The following CFAP43 variants were observed in gnomAD, a reference collection of about 807,000 sequenced individuals.
CFAP43 encodes the protein cilia- and flagella-associated protein 43.
A neutral mutation model predicts 218.9 loss-of-function variants in CFAP43; 155 were observed. The observed-to-expected ratio is 0.71, with a 90% CI of 0.62 to 0.81. The LOEUF is 0.81. Ranked by LOEUF, CFAP43 falls within the 30% of genes least tolerant of loss-of-function variation. The probability of loss-of-function intolerance (pLI) is 0.00; values close to 1 mark genes in which losing one functional copy is unlikely to be tolerated. For synonymous variants in CFAP43, 645 were observed against 681.3 expected (o/e 0.95, Z 0.83); for missense variants, 1,778 against 1,954.3 (o/e 0.91, Z 1.70).
intron 24 of CFAP43, 143 bp downstream of exon 24, chr10:104,163,951 G>T: frequency 1.3e-6 from 1 of 744,946 alleles, no homozygotes; most frequent in Non-Finnish European, 2.2e-6. Flanking sequence ...TCATTGCTGA[G>T]GCTACATCAT....
intron 29 of CFAP43, among the ~76,000 whole-genome samples, chr10:104,147,362 T>C (rs750616671): frequency 6.6e-6 from 1 of 152,228 alleles, no homozygotes; most frequent in South Asian, 2.1e-4. Context: ...AGCTGACATT[T>C]GTAGAAACAT....
At chr10:104,198,102 T>C (rs1288279160) in intron 8 of CFAP43, 64 bp from the exon 9 acceptor site, 1 of 944,976 alleles carries the variant, frequency 1.1e-6, no homozygotes, top group African/African-American at 1.7e-5. Context: ...CAACAAATAT[T>C]TATTAAATGC....
intron 16 of CFAP43, 24 bp from the exon 17 acceptor site, chr10:104,182,537 C>T (rs755350586): frequency 1.2e-5 from 18 of 1,553,372 alleles, no homozygotes; most frequent in Non-Finnish European, 1.4e-5. Context: ...AAAGAAAACA[C>T]AGAGGCTATA....
At chr10:104,198,126 G>T in intron 8 of CFAP43, 88 bp from the exon 9 acceptor site, 1 of 732,392 alleles carries the variant, frequency 1.4e-6, no homozygotes, top group Admixed American at 2.6e-5. Flanking sequence ...CTGTAACCAA[G>T]GCTCTATGTG....
chr10:104,202,860 C>A (rs534217706), intron 8 of CFAP43, among the ~76,000 whole-genome samples: 1 of 149,444 alleles, frequency 6.7e-6, no homozygotes, highest in South Asian at 2.1e-4. Context: ...TTATCAGAAA[C>A]AAAAGTCTTT....
At chr10:104,159,119 T>C (rs547083622) in intron 27 of CFAP43, among the ~76,000 whole-genome samples, 1 of 152,164 alleles carries the variant, frequency 6.6e-6, no homozygotes, top group Non-Finnish European at 1.5e-5. Context: ...GGGGTCATTA[T>C]ACTGTTCTCT....
intron 32 of CFAP43, 120 bp downstream of exon 32, chr10:104,143,306 C>G: frequency 1.2e-6 from 1 of 851,048 alleles, no homozygotes; most frequent in South Asian, 1.9e-5. Flanking sequence ...ATTACTATGA[C>G]CAAATACTAC....
intron 27 of CFAP43, among the ~76,000 whole-genome samples, chr10:104,155,369 G>A (rs2088487640): frequency 6.6e-6 from 1 of 152,160 alleles, no homozygotes; most frequent in Non-Finnish European, 1.5e-5. Flanking sequence ...GCTGGCAAAG[G>A]GGATCTGGTG....
chr10:104,153,338 T>G (rs2088370607), intron 27 of CFAP43, among the ~76,000 whole-genome samples: 1 of 152,200 alleles, frequency 6.6e-6, no homozygotes, highest in African/African-American at 2.4e-5. Flanking sequence ...AGGTAAAATT[T>G]TCATTGCACA....
intron 3 of CFAP43, among the ~76,000 whole-genome samples, chr10:104,223,640 C>T (rs987529272): frequency 1.3e-5 from 2 of 151,366 alleles, no homozygotes; most frequent in African/African-American, 2.4e-5. Flanking sequence ...TTGGAACTAT[C>T]AGAATTTATG....
At chr10:104,174,693 AC>A (rs1171699957) in intron 19 of CFAP43, among the ~76,000 whole-genome samples, 2 of 152,166 alleles carry the variant, frequency 1.3e-5, no homozygotes, top group Non-Finnish European at 2.9e-5. Flanking sequence ...ACTGGAGATT[AC>A]CTTTTTAAAA....
intron 2 of CFAP43, among the ~76,000 whole-genome samples, chr10:104,229,218 A>T (rs1220391352): frequency 6.6e-6 from 1 of 152,162 alleles, no homozygotes. Context: ...TCATCCAAAC[A>T]CTTATTTGAC....
At chr10:104,201,786 A>T (rs1389745564) in intron 8 of CFAP43, among the ~76,000 whole-genome samples, 2 of 152,000 alleles carry the variant, frequency 1.3e-5, no homozygotes, top group Non-Finnish European at 2.9e-5. Flanking sequence ...TGCATCATAG[A>T]CCTTCCCACC....
At chr10:104,191,186 A>G (rs1432761392) in intron 12 of CFAP43, among the ~76,000 whole-genome samples, 1 of 152,168 alleles carries the variant, frequency 6.6e-6, no homozygotes, top group Non-Finnish European at 1.5e-5. Context: ...ACGAAGTCAA[A>G]TCATGCCAGC....
At chr10:104,203,580 G>T (rs1365721079) in intron 8 of CFAP43, 92 bp downstream of exon 8, 10 of 1,268,550 alleles carry the variant, frequency 7.9e-6, no homozygotes, top group South Asian at 1.7e-5. Flanking sequence ...GAGTACCACT[G>T]TGCAGCATAC....
At chr10:104,147,659 C>G (rs936258827) in intron 29 of CFAP43, among the ~76,000 whole-genome samples, 3 of 152,154 alleles carry the variant, frequency 2.0e-5, no homozygotes, top group Non-Finnish European at 4.4e-5. Flanking sequence ...CTACACAGTT[C>G]TTTTGGCTAA....
chr10:104,154,525 G>C (rs2088437976), intron 27 of CFAP43, among the ~76,000 whole-genome samples: 1 of 152,134 alleles, frequency 6.6e-6, no homozygotes. Flanking sequence ...CCACGGAAAA[G>C]TCCCACAGAT....
chr10:104,163,561 G>A (rs1002674945), intron 24 of CFAP43, among the ~76,000 whole-genome samples: 5 of 151,920 alleles, frequency 3.3e-5, no homozygotes, highest in Admixed American at 6.6e-5. Flanking sequence ...AAAGCTGTCC[G>A]GAGAGCCCCT....
chr10:104,148,309 T>C (rs2088077951), intron 28 of CFAP43, among the ~76,000 whole-genome samples: 1 of 152,254 alleles, frequency 6.6e-6, no homozygotes, highest in Non-Finnish European at 1.5e-5. Context: ...ACTTTACGAC[T>C]GCAGTTGCTT....
Sources: gnomAD v4.1 joint callset for allele counts (sites outside exome capture counted in the v4.1 genomes callset) on GRCh38, gnomAD v4.1.1 for gene constraint, MANE v1.5 for transcripts, NCBI Gene and HGNC (gene_info 2026-07-23, HGNC 2026-07-21) for gene names.